SMAD3: variants seen among roughly 807,000 people sequenced by gnomAD.
The protein encoded by SMAD3 is MAD homolog 3.
In SMAD3, 12 loss-of-function variants were observed where a neutral mutation model predicts 51.8. The observed-to-expected ratio is 0.23, with a 90% confidence interval of 0.15 to 0.38. The LOEUF (loss-of-function observed/expected upper bound fraction) is 0.38, where lower values mean the gene tolerates loss of function less well. Ranked by LOEUF, SMAD3 falls within the 10% of genes least tolerant of loss-of-function variation. The probability of loss-of-function intolerance (pLI) is 1.00; values close to 1 mark genes in which losing one functional copy is unlikely to be tolerated. For missense variants in SMAD3, 294 were observed against 565.6 expected, an observed-to-expected ratio of 0.52 and a Z score of 4.87; for synonymous variants, 238 against 227.7, an observed-to-expected ratio of 1.05 and a Z score of -0.41.
intron 1 of SMAD3, among the ~76,000 whole-genome samples, chr15:67,098,113 G>A (rs1386122236): frequency 6.6e-6 from 1 of 152,098 alleles, no homozygotes; most frequent in Non-Finnish European, 1.5e-5. Context: ...TGGAGAAATC[G>A]TTTATAAACT....
At chr15:67,186,046 C>T (rs920270539) in intron 7 of SMAD3, among the ~76,000 whole-genome samples, 12 of 152,368 alleles carry the variant, frequency 7.9e-5, no homozygotes, top group East Asian at 5.8e-4. Context: ...GAGTACATTC[C>T]GATCGTTGAC....
chr15:67,076,116 T>A (rs1960162774), intron 1 of SMAD3, among the ~76,000 whole-genome samples: 1 of 151,942 alleles, frequency 6.6e-6, no homozygotes, highest in African/African-American at 2.4e-5. Flanking sequence ...CTTTGGAGAG[T>A]CTCAGTTGAT....
At chr15:67,105,769 A>G (rs556473147) in intron 1 of SMAD3, among the ~76,000 whole-genome samples, 2 of 152,302 alleles carry the variant, frequency 1.3e-5, no homozygotes, top group South Asian at 2.1e-4. Flanking sequence ...GCCTGAAGCA[A>G]CGCAGGGCCT....
At chr15:67,089,754 A>G (rs1017244410) in intron 1 of SMAD3, among the ~76,000 whole-genome samples, 4 of 152,182 alleles carry the variant, frequency 2.6e-5, no homozygotes, top group African/African-American at 9.7e-5. Flanking sequence ...CCCACACGTC[A>G]TTTCGTTTCA....
chr15:67,070,056 G>C lies in SMAD3; in HGVS notation c.206+3696G>C, dbSNP rs538813797. Among the ~76,000 whole-genome samples, 181 of 152,208 alleles carry C rather than the reference G, an allele frequency of 1.2e-3. 1 individual carries two copies. The highest frequency in any genetic ancestry group is 4.3e-3 in the African/African-American group (179 of 41,532). On this transcript the variant is annotated intron_variant, in intron 1 of 8. Coordinates refer to ENST00000327367, the MANE Select transcript of SMAD3 (RefSeq NM_005902.4). ...CTTATTATCTCCTTGACTTTTGCCA[G>C]GGTACTCTCACTTTGAGAAAGGAAA... is the stretch of plus-strand genomic sequence containing the variant.
intron 6 of SMAD3, among the ~76,000 whole-genome samples, chr15:67,181,789 ATTTT>A (rs10713173): frequency 7.3e-6 from 1 of 137,816 alleles, no homozygotes; most frequent in Non-Finnish European, 1.6e-5. Flanking sequence ...TATGAAATCT[ATTTT>A]TTTTTTTTTT....
intron 1 of SMAD3, among the ~76,000 whole-genome samples, chr15:67,125,063 G>T (rs1961351012): frequency 6.6e-6 from 1 of 152,242 alleles, no homozygotes; most frequent in African/African-American, 2.4e-5. Flanking sequence ...CAGAGAGCTG[G>T]GTGGGTCGGG....
At chr15:67,099,003 G>T in intron 1 of SMAD3, 2 of 702,412 alleles carry the variant, frequency 2.8e-6, no homozygotes, top group African/African-American at 3.5e-5. Context: ...CAGAGCGTAT[G>T]TCCTGAGCGA....
intron 1 of SMAD3, among the ~76,000 whole-genome samples, chr15:67,152,939 T>C (rs1962185456): frequency 6.6e-6 from 1 of 152,142 alleles, no homozygotes; most frequent in Non-Finnish European, 1.5e-5. Flanking sequence ...AGGGAGGGGC[T>C]CTCACCACAG....
chr15:67,069,759 C>T (rs1256726183), intron 1 of SMAD3, among the ~76,000 whole-genome samples: 5 of 151,904 alleles, frequency 3.3e-5, no homozygotes, highest in Non-Finnish European at 7.4e-5. Context: ...CAGGCTGGAG[C>T]GCAGTGGCAT....
At position 67,122,201 on chromosome 15, in the gene SMAD3, A is replaced by G. The variant is rs548227319; in HGVS notation, c.207-42694A>G. Among the ~76,000 whole-genome samples the G allele has an allele frequency of 1.7e-3, 259 of 152,322 alleles. 1 individual carries two copies. Among genetic ancestry groups the G allele is most frequent in the Non-Finnish European group, 3.1e-3 (208 of 68,030 alleles). Reference sequence around the variant, plus strand: ...ACCACTTAGAAGAATGAACAGATGAAACCTTTTCATTTTACACATGAGGAA... The same window carrying G: ...ACCACTTAGAAGAATGAACAGATGAGACCTTTTCATTTTACACATGAGGAA... On this transcript the variant is annotated intron_variant, in intron 1 of 8. Transcript: ENST00000327367.
At chr15:67,128,513 C>T (rs1961445148) in intron 1 of SMAD3, among the ~76,000 whole-genome samples, 1 of 152,098 alleles carries the variant, frequency 6.6e-6, no homozygotes, top group South Asian at 2.1e-4. Context: ...CTTATAATTT[C>T]GAAAACCTTA....
intron 1 of SMAD3, among the ~76,000 whole-genome samples, chr15:67,129,899 G>A (rs948178074): frequency 6.6e-6 from 1 of 152,190 alleles, no homozygotes; most frequent in African/African-American, 2.4e-5. Context: ...GCTGCCATGT[G>A]GCTGGTGGCC....
At chr15:67,112,030 C>T (rs1961025521) in intron 1 of SMAD3, among the ~76,000 whole-genome samples, 1 of 152,074 alleles carries the variant, frequency 6.6e-6, no homozygotes, top group African/African-American at 2.4e-5. Context: ...TCAGATGATC[C>T]ACCTGCCTCA....
chr15:67,163,171 A>G (rs951117194), intron 1 of SMAD3, among the ~76,000 whole-genome samples: 2 of 151,922 alleles, frequency 1.3e-5, no homozygotes, highest in African/African-American at 4.8e-5. Flanking sequence ...ACAGGGTTTC[A>G]CCATGTTGGC....
chr15:67,126,080 T>C (rs1961379492), intron 1 of SMAD3: 7 of 547,014 alleles, frequency 1.3e-5, no homozygotes, highest in Non-Finnish European at 1.6e-5. Context: ...CCTGAGTCCT[T>C]AGGGAATTGC....
chr15:67,104,821 A>G (rs1321850975), intron 1 of SMAD3, among the ~76,000 whole-genome samples: 1 of 152,284 alleles, frequency 6.6e-6, no homozygotes, highest in South Asian at 2.1e-4. Context: ...CATTGCAGGA[A>G]TGAAGCCGTT....
chr15:67,181,555 G>C, intron 6 of SMAD3, 102 bp downstream of exon 6: 1 of 1,001,084 alleles, frequency 1.0e-6, no homozygotes, highest in Non-Finnish European at 1.5e-6. Context: ...GGAACCTTGC[G>C]TCCATCCTTA....
chr15:67,170,453 G>A lies in SMAD3; in HGVS notation c.608-101G>A, dbSNP rs371146727. 146 of 957,360 alleles carry A rather than the reference G, an allele frequency of 1.5e-4. 1 individual carries two copies. The African/African-American group carries it at 2.1e-3, about 14-fold the overall frequency. The allele number at this position is 957,360 out of a possible 1,614,324, so 59.3% of individuals were successfully genotyped here. ...CCCCTCAGTCCAGGGTTTTCTTTCTGCTGTGTTGGGCTACCCCTCCTTGAT... is the reference window on the plus strand; with the variant it reads ...CCCCTCAGTCCAGGGTTTTCTTTCTACTGTGTTGGGCTACCCCTCCTTGAT... On this transcript the variant is annotated intron_variant, in intron 4 of 8. Transcript: ENST00000327367.
Sources: gnomAD v4.1 joint callset for allele counts (sites outside exome capture counted in the v4.1 genomes callset) on GRCh38, gnomAD v4.1.1 for gene constraint, MANE v1.5 for transcripts, NCBI Gene and HGNC (gene_info 2026-07-23, HGNC 2026-07-21) for gene names.